PAQR8: variants seen among roughly 807,000 people sequenced by gnomAD.
PAQR8 encodes the protein membrane progestin receptor beta.
A neutral mutation model predicts 25.2 loss-of-function variants in PAQR8; 17 were observed. The ratio of observed to expected loss-of-function variants is 0.67; its 90% CI spans 0.46 to 1.01. PAQR8 has a LOEUF of 1.01. PAQR8 is among the 50% of genes least tolerant of loss of function. The pLI, the probability that PAQR8 is intolerant of heterozygous loss-of-function variation, is 0.00. For missense variants in PAQR8, 392 were observed against 448.4 expected (o/e 0.87, Z 1.14); for synonymous variants, 204 against 190.6 (o/e 1.07, Z -0.58).
rs1484144765 is a variant in PAQR8, at chr6:52,381,401, A to T, written c.-53+19152A>T. 1.6e-4 allele frequency among the ~76,000 whole-genome samples: 25 copies of T among 152,246 alleles called. 1 individual carries two copies. The highest frequency in any genetic ancestry group is 1.6e-3 in the Admixed American group (25 of 15,288). ...GGCGGGTGGAATGATTGAGCCCAGG[A>T]GTTCAAGATCAGCCTGGTCAACATG... On this transcript the variant is annotated intron_variant, in intron 1 of 1. Transcript: ENST00000442253.
chr6:52,392,913 CAG>C (rs1261561587), intron 1 of PAQR8, among the ~76,000 whole-genome samples: 12 of 152,198 alleles, frequency 7.9e-5, no homozygotes, highest in African/African-American at 2.4e-4. Context: ...CAAGTAAACT[CAG>C]TGTCAAAGAT....
chr6:52,397,309 T>C (rs1199798402), intron 1 of PAQR8, among the ~76,000 whole-genome samples: 1 of 152,164 alleles, frequency 6.6e-6, no homozygotes, highest in African/African-American at 2.4e-5. Flanking sequence ...AGTCATACCA[T>C]TCCTATGCTC....
chr6:52,389,230 C>T (rs1380873240), intron 1 of PAQR8, among the ~76,000 whole-genome samples: 1 of 152,092 alleles, frequency 6.6e-6, no homozygotes, highest in Non-Finnish European at 1.5e-5. Context: ...TTTTGAAAAC[C>T]CACATTTTCG....
At position 52,403,582 on chromosome 6, in the gene PAQR8, C is replaced by T; in HGVS notation, c.369C>T (p.Leu123=). 1 of 1,614,122 alleles carries T rather than the reference C, an allele frequency of 6.2e-7. No individual in the cohort carries two copies. Among genetic ancestry groups the T allele is most frequent in the Non-Finnish European group, 8.5e-7 (1 of 1,180,042 alleles). ...LLFILSSITY[L]TCSLLAHLLQ... ...TCATCCTGTCGTCAATCACTTACCT[C>T]ACCTGCAGCCTTCTGGCCCACCTGC... Residue 123 remains leucine, a synonymous_variant, in exon 2 of 2, where the codon CTC becomes CTT. Transcript: ENST00000442253.
chr6:52,387,133 G>C (rs980042915), intron 1 of PAQR8, among the ~76,000 whole-genome samples: 1 of 152,114 alleles, frequency 6.6e-6, no homozygotes, highest in Non-Finnish European at 1.5e-5. Context: ...TACAGAAAAG[G>C]CCACACTGGG....
At chr6:52,386,000 C>T (rs182174621) in intron 1 of PAQR8, among the ~76,000 whole-genome samples, 2 of 152,098 alleles carry the variant, frequency 1.3e-5, no homozygotes, top group African/African-American at 2.4e-5. Flanking sequence ...TTTAAATCAC[C>T]AAGCAAAAAA....
chr6:52,382,032 G>A (rs765325198), intron 1 of PAQR8, among the ~76,000 whole-genome samples: 1 of 152,156 alleles, frequency 6.6e-6, no homozygotes, highest in Non-Finnish European at 1.5e-5. Flanking sequence ...GTTTGTTGAG[G>A]GGCCACTCTG....
intron 1 of PAQR8, among the ~76,000 whole-genome samples, chr6:52,392,951 T>A (rs1050075454): frequency 6.6e-6 from 1 of 152,226 alleles, no homozygotes; most frequent in Non-Finnish European, 1.5e-5. Context: ...GTACTGATTG[T>A]TTTTGTAAGG....
rs1458631705 is a variant in PAQR8, at chr6:52,403,792, C to T, written c.579C>T (p.Gly193=). Residue 193 remains glycine (G), a synonymous_variant, in exon 2 of 2, where the codon GGC becomes GGT. Coordinates refer to ENST00000442253, the MANE Select transcript of PAQR8 (RefSeq NM_133367.5). ...AAFCGWLSCA[G]CCYAKYRYRR... ...TCTGTGGCTGGTTATCTTGTGCTGG[C>T]TGTTGCTATGCCAAATATCGTTACC... 2 of 1,614,242 alleles carry T rather than the reference C, an allele frequency of 1.2e-6. No homozygotes were observed. The highest frequency in any genetic ancestry group is 1.7e-6 in the Non-Finnish European group (2 of 1,180,036).
chr6:52,394,686 G>C (rs1371541272), intron 1 of PAQR8, among the ~76,000 whole-genome samples: 1 of 152,178 alleles, frequency 6.6e-6, no homozygotes, highest in African/African-American at 2.4e-5. Flanking sequence ...CACATTTAAG[G>C]TAGTGTAGGC....
intron 1 of PAQR8, among the ~76,000 whole-genome samples, chr6:52,380,284 A>G (rs1349407472): frequency 6.6e-6 from 1 of 152,198 alleles, no homozygotes; most frequent in Non-Finnish European, 1.5e-5. Flanking sequence ...TACTATTAAA[A>G]TCTGTGTCTA....
In PAQR8 at chr6:52,406,355, T is replaced by C; in HGVS notation, c.*2077T>C. The C allele has an allele frequency of 2.4e-6, 1 of 411,658 alleles. No homozygotes were observed. The highest frequency in any genetic ancestry group is 4.4e-6 in the Non-Finnish European group (1 of 225,314). 25.5% of individuals were successfully genotyped at this position (411,658 alleles called of 1,614,324 possible). A position where few individuals can be genotyped will look rare whatever the true frequency, so the allele number is the denominator to read the frequency against. ...AGCTCTTGAATATAACTGGTGGTAT[T>C]GTGGGCAGAGATCTTTAGTTCAAAT... On this transcript the variant is annotated 3_prime_UTR_variant, in exon 2 of 2. Coordinates refer to ENST00000442253, the MANE Select transcript of PAQR8 (RefSeq NM_133367.5).
intron 1 of PAQR8, among the ~76,000 whole-genome samples, chr6:52,379,568 C>T (rs895318127): frequency 1.3e-5 from 2 of 151,106 alleles, no homozygotes; most frequent in Non-Finnish European, 2.9e-5. Context: ...TTTCCTGCCT[C>T]AGCCTCCCGA....
intron 1 of PAQR8, among the ~76,000 whole-genome samples, chr6:52,392,591 C>G (rs774042800): frequency 3.3e-5 from 5 of 152,140 alleles, no homozygotes; most frequent in Non-Finnish European, 5.9e-5. Flanking sequence ...TAATTCCCCA[C>G]TTTGTTAATT....
intron 1 of PAQR8, among the ~76,000 whole-genome samples, chr6:52,401,434 T>C (rs1763828218): frequency 6.6e-6 from 1 of 152,208 alleles, no homozygotes; most frequent in Non-Finnish European, 1.5e-5. Flanking sequence ...AGATGAAATT[T>C]TGCAGCAGTT....
rs17591381 is a variant in PAQR8 at position 52,404,092 on chromosome 6, G to C, written c.879G>C (p.Thr293=). ...QIFHAFLSIC[T]LSQLEAILLD... Reference sequence around the variant, plus strand: ...TCCATGCATTTCTGTCCATCTGTACGCTCTCCCAGCTGGAGGCCATCCTCC... The same window carrying C: ...TCCATGCATTTCTGTCCATCTGTACCCTCTCCCAGCTGGAGGCCATCCTCC... Residue 293 remains threonine (T), a synonymous_variant, in exon 2 of 2, where the codon ACG becomes ACC. Coordinates refer to ENST00000442253, the MANE Select transcript of PAQR8 (RefSeq NM_133367.5). 6.2e-7 allele frequency: 1 copy of C among 1,613,996 alleles called. No homozygotes were observed. The highest frequency in any genetic ancestry group is 2.2e-5 in the East Asian group (1 of 44,894).
chr6:52,397,160 G>A (rs968246301), intron 1 of PAQR8, among the ~76,000 whole-genome samples: 2 of 152,036 alleles, frequency 1.3e-5, no homozygotes, highest in South Asian at 4.1e-4. Flanking sequence ...ATTAAAACAG[G>A]GTAATAGTTT....
chr6:52,399,396 T>C (rs1763805773), intron 1 of PAQR8, among the ~76,000 whole-genome samples: 1 of 152,212 alleles, frequency 6.6e-6, no homozygotes, highest in African/African-American at 2.4e-5. Context: ...CAGGTCTGAA[T>C]TGTGCTCTCT....
chr6:52,389,091 G>A (rs773296227), intron 1 of PAQR8, among the ~76,000 whole-genome samples: 34 of 152,202 alleles, frequency 2.2e-4, no homozygotes, highest in Non-Finnish European at 4.4e-5. Flanking sequence ...AATGACAAAT[G>A]GTAGGAGATG....
Sources: allele counts gnomAD v4.1 joint callset (sites outside exome capture counted in the v4.1 genomes callset), GRCh38; gene constraint gnomAD v4.1.1; transcripts MANE v1.5; gene names NCBI Gene and HGNC (gene_info 2026-07-23, HGNC 2026-07-21).